Variants in MTUS1 observed in about 807,000 individuals in gnomAD.
MTUS1 encodes microtubule-associated tumor suppressor 1.
MTUS1 carries 109 observed loss-of-function variants against 120.8 expected under a neutral mutation model. That is an observed-to-expected ratio of 0.90 (90% CI 0.77 to 1.06). The LOEUF (loss-of-function observed/expected upper bound fraction) is 1.06. Among genes scored for constraint, MTUS1 ranks in the 50% least tolerant of loss-of-function variants. The pLI is 0.00. For missense variants in MTUS1, 2,210 were observed against 1,486.3 expected (o/e 1.49, Z -8.01); for synonymous variants, 737 against 550.5 (o/e 1.34, Z -4.74).
chr8:17,679,498 T>C lies in MTUS1; in HGVS notation c.2839-4246A>G, dbSNP rs983652128. On this transcript the variant is annotated intron_variant, in intron 7 of 14. Transcript: ENST00000693296. ...TCCAACTATTTTTATTTTATTTATTTATTTATTTATTTATTTATTTTTTGA... is the reference window on the plus strand; with the variant it reads ...TCCAACTATTTTTATTTTATTTATTCATTTATTTATTTATTTATTTTTTGA... 3.1e-5 allele frequency among the ~76,000 whole-genome samples: 3 copies of C among 96,178 alleles called. No homozygotes were observed. In the Admixed American group the frequency reaches 3.2e-4, roughly 10 times the overall value. 63.1% of individuals were successfully genotyped at this position (96,178 alleles called of 152,430 possible).
chr8:17,679,226 A>G (rs923657916), intron 7 of MTUS1, among the ~76,000 whole-genome samples: 37 of 152,132 alleles, frequency 2.4e-4, no homozygotes, highest in African/African-American at 8.9e-4. Flanking sequence ...ATACCTATAT[A>G]TTATACATAT....
At chr8:17,647,696 C>A (rs1806117911) in intron 13 of MTUS1, among the ~76,000 whole-genome samples, 2 of 152,156 alleles carry the variant, frequency 1.3e-5, no homozygotes, top group South Asian at 2.1e-4. Context: ...TCTCTTGCTG[C>A]CCTGTGCAGG....
chr8:17,719,841 T>C (rs1823061390), intron 4 of MTUS1, among the ~76,000 whole-genome samples: 2 of 152,170 alleles, frequency 1.3e-5, no homozygotes, highest in African/African-American at 4.8e-5. Flanking sequence ...CACCCTATTC[T>C]TTATCAGCTT....
intron 8 of MTUS1, among the ~76,000 whole-genome samples, chr8:17,672,841 C>T (rs915507028): frequency 5.9e-5 from 9 of 152,216 alleles, no homozygotes; most frequent in African/African-American, 2.2e-4. Context: ...CAGACTGTTA[C>T]AGCTATTTCC....
chr8:17,711,947 C>T (rs1416815712), intron 6 of MTUS1, among the ~76,000 whole-genome samples: 1 of 152,160 alleles, frequency 6.6e-6, no homozygotes, highest in African/African-American at 2.4e-5. Context: ...GAAATGCAAA[C>T]GTATCAGCTG....
intron 6 of MTUS1, among the ~76,000 whole-genome samples, chr8:17,687,850 G>A (rs1453933150): frequency 6.6e-6 from 1 of 152,302 alleles, no homozygotes; most frequent in South Asian, 2.1e-4. Context: ...GTGCAATGAA[G>A]TCATGTATCA....
intron 1 of MTUS1, among the ~76,000 whole-genome samples, chr8:17,770,833 A>T (rs1399121298): frequency 6.6e-6 from 1 of 152,188 alleles, no homozygotes; most frequent in Non-Finnish European, 1.5e-5. Flanking sequence ...AACTGTAAAC[A>T]AACAAAAACA....
At chr8:17,679,358 T>C (rs11203896) in intron 7 of MTUS1, among the ~76,000 whole-genome samples, 28,234 of 103,022 alleles carry the variant, frequency 0.27, 2,773 homozygotes, top group South Asian at 0.39. Context: ...TGCGCGCGCG[T>C]GTGTGTGTGT....
chr8:17,684,288 C>A lies in MTUS1; in HGVS notation c.2838+40G>T, dbSNP rs1334786344. ...GCAAGTCCTCCCCGTGCTCCCCCGA[C>A]CTCAAGTAGAAAGGCTCTTTCTAGG... On this transcript the variant is annotated intron_variant, in intron 7 of 14. Transcript: ENST00000693296. 5 of 1,520,178 alleles carry A rather than the reference C, an allele frequency of 3.3e-6. No individual in the cohort carries two copies. The Admixed American group carries it at 5.0e-5, about 15-fold the overall frequency. 94.2% of individuals were successfully genotyped at this position (1,520,178 alleles called of 1,614,324 possible).
intron 1 of MTUS1, among the ~76,000 whole-genome samples, chr8:17,760,699 G>T (rs757892076): frequency 6.6e-6 from 1 of 151,692 alleles, no homozygotes; most frequent in Non-Finnish European, 1.5e-5. Context: ...TCTTCATATT[G>T]CTGTAGTTGC....
intron 1 of MTUS1, among the ~76,000 whole-genome samples, chr8:17,785,915 C>T (rs1039910396): frequency 6.6e-5 from 10 of 152,168 alleles, no homozygotes; most frequent in Admixed American, 1.3e-4. Flanking sequence ...GAGGCCAAAA[C>T]AAGAGAATCT....
intron 6 of MTUS1, 82 bp from the exon 7 acceptor site, chr8:17,684,624 G>C: frequency 2.8e-6 from 3 of 1,081,488 alleles, no homozygotes; most frequent in East Asian, 2.4e-5. Flanking sequence ...AAAACAACCA[G>C]ATAAGCCACA....
chr8:17,734,911 C>CTT (rs113060045), intron 3 of MTUS1, among the ~76,000 whole-genome samples: 2 of 148,594 alleles, frequency 1.3e-5, no homozygotes, highest in Non-Finnish European at 3.0e-5. Flanking sequence ...TTCACACCAA[C>CTT]TTTTTTTTTT....
intron 7 of MTUS1, among the ~76,000 whole-genome samples, chr8:17,681,865 A>C (rs1201883374): frequency 2.6e-5 from 4 of 152,070 alleles, no homozygotes. Flanking sequence ...AAAAAGATGA[A>C]GCTAATTTTA....
chr8:17,755,746 T>C lies in MTUS1; in HGVS notation c.62A>G (p.Asp21Gly), dbSNP rs2048564163. The C allele has an allele frequency of 6.2e-7, 1 of 1,613,600 alleles. No individual in the cohort carries two copies. The highest frequency in any genetic ancestry group is 8.5e-7 in the Non-Finnish European group (1 of 1,179,536). ...GTATGCATGTGTATTTCCATCTTTATCACTGGTAAAGAAGGTTTGCAATTC... is the reference window on the plus strand; with the variant it reads ...GTATGCATGTGTATTTCCATCTTTACCACTGGTAAAGAAGGTTTGCAATTC... ...EDELQTFFTS[D>G]KDGNTHAYNP... is the part of the protein sequence containing the mutation. The change falls in exon 2 of 15, where the codon GAT becomes GGT. Residue 21 changes from aspartate (D) to glycine (G), a missense_variant. Asp to Gly is a moderately conservative substitution (Grantham distance 94, BLOSUM62 -1). Coordinates refer to ENST00000693296, the MANE Select transcript of MTUS1 (RefSeq NM_001363059.2).
rs764854403 is a variant in MTUS1 at position 17,653,211 on chromosome 8, CTTT to C, written c.3356_3358del (p.Lys1119del). On this transcript the variant is annotated inframe_deletion, in exon 12 of 15. Transcript: ENST00000693296. Reference sequence around the variant, plus strand: ...CAAATTTGCTTTTTCTCTTGCTCTTCTTTTTTGTTCTTCTGATTTCAATTTTTC... The same window carrying C: ...CAAATTTGCTTTTTCTCTTGCTCTTCTTTGTTCTTCTGATTTCAATTTTTC... 3.5e-5 allele frequency: 55 copies of C among 1,549,710 alleles called. No individual in the cohort carries two copies. In the South Asian group the frequency reaches 6.0e-4, roughly 17 times the overall value.
intron 1 of MTUS1, among the ~76,000 whole-genome samples, chr8:17,764,289 C>G (rs1449837738): frequency 2.0e-5 from 3 of 151,910 alleles, no homozygotes; most frequent in Non-Finnish European, 2.9e-5. Flanking sequence ...CTGGTGACAT[C>G]TGACCTATCC....
rs4921806 is a variant in MTUS1, at chr8:17,703,430, G to A, written c.2623+9784C>T. On this transcript the variant is annotated intron_variant, in intron 6 of 14. Coordinates refer to ENST00000693296, the MANE Select transcript of MTUS1 (RefSeq NM_001363059.2). ...GGGCAGATCACGAGGTCAGGAGATC[G>A]AGACCATCCTGGTTAACATGGTGAA... is the stretch of plus-strand genomic sequence containing the variant. Among the ~76,000 whole-genome samples, 512 of 152,112 alleles carry A rather than the reference G, an allele frequency of 3.4e-3. 7 individuals are homozygous for A. The highest frequency in any genetic ancestry group is 0.027 in the Admixed American group (415 of 15,278).
At chr8:17,704,433 C>A (rs557359861) in intron 6 of MTUS1, among the ~76,000 whole-genome samples, 1 of 152,074 alleles carries the variant, frequency 6.6e-6, no homozygotes, top group African/African-American at 2.4e-5. Context: ...TAATCCATCT[C>A]GAGTTGATTT....
Sources: gnomAD v4.1 joint callset for allele counts (sites outside exome capture counted in the v4.1 genomes callset) on GRCh38, gnomAD v4.1.1 for gene constraint, MANE v1.5 for transcripts, NCBI Gene and HGNC (gene_info 2026-07-23, HGNC 2026-07-21) for gene names.